The following KLHL4 variants were observed in gnomAD, a reference collection of about 807,000 sequenced individuals.
The protein encoded by KLHL4 is kelch like family member 4, also known as kelch-like protein 4.
KLHL4 carries 17 observed loss-of-function variants against 45.8 expected under a neutral mutation model. The ratio of observed to expected loss-of-function variants is 0.37; its 90% CI spans 0.25 to 0.56. The LOEUF is 0.56. Among genes scored for constraint, KLHL4 ranks in the 20% least tolerant of loss-of-function variants. KLHL4 has a pLI of 0.79. For synonymous variants in KLHL4, 224 were observed against 189.9 expected (o/e 1.18, Z -1.47); for missense variants, 544 against 544.9 (o/e 1.00, Z 0.02).
intron 1 of KLHL4, among the ~76,000 whole-genome samples, chrX:87,568,391 C>CTTTTTTT (rs58586775): frequency 0.011 from 650 of 56,995 alleles, 1 homozygote; most frequent in East Asian, 0.015. Context: ...TTCTTTTTTT[C>CTTTTTTT]TTTTTTTTTT....
At chrX:87,614,758 A>C in intron 3 of KLHL4, among the ~76,000 whole-genome samples, 188 bp downstream of exon 3, 1 of 111,223 alleles carries the variant, frequency 9.0e-6, no homozygotes, top group Middle Eastern at 4.7e-3. Flanking sequence ...TAAAGTAATA[A>C]AAAGGCATAG....
At chrX:87,624,934 T>C (rs756732399) in intron 5 of KLHL4, among the ~76,000 whole-genome samples, 1 of 112,335 alleles carries the variant, frequency 8.9e-6, no homozygotes, top group East Asian at 2.8e-4. Context: ...ACCATGTCTG[T>C]TATTATTTTA....
At chrX:87,604,409 C>T (rs1922123748) in intron 1 of KLHL4, among the ~76,000 whole-genome samples, 1 of 111,388 alleles carries the variant, frequency 9.0e-6, no homozygotes. Context: ...TCTCAACAAA[C>T]TCACCAAGAC....
intron 5 of KLHL4, among the ~76,000 whole-genome samples, chrX:87,622,628 G>A (rs1369294866): frequency 1.8e-5 from 2 of 110,622 alleles, no homozygotes; most frequent in African/African-American, 3.3e-5. Context: ...AAAAGCTACC[G>A]TTAAACCATA....
chrX:87,668,632 T>A lies in KLHL4; in HGVS notation c.*2098T>A, dbSNP rs1217664146. On this transcript the variant is annotated 3_prime_UTR_variant, in exon 11 of 11. Coordinates refer to ENST00000373119, the MANE Select transcript of KLHL4 (RefSeq NM_019117.5). ...TTGGGCCATGAGGTCTGTGCCCTCC[T>A]GAATGGATTAATCCATTCATGGATT... The A allele has an allele frequency of 1.1e-5, 2 of 174,738 alleles. No individual in the cohort carries two copies. The highest frequency in any genetic ancestry group is 1.8e-5 in the Non-Finnish European group (2 of 111,698). 14.4% of individuals were successfully genotyped at this position (174,738 alleles called of 1,213,427 possible).
intron 9 of KLHL4, among the ~76,000 whole-genome samples, chrX:87,655,618 G>T (rs552486471): frequency 1.8e-5 from 2 of 110,394 alleles, no homozygotes; most frequent in African/African-American, 6.6e-5. Flanking sequence ...GTGTATGGTC[G>T]GATCCTTTTT....
In KLHL4 at chrX:87,667,485, A is replaced by C; in HGVS notation, c.*951A>C. 3 of 728,862 alleles carry C rather than the reference A, an allele frequency of 4.1e-6. No individual in the cohort carries two copies. The highest frequency in any genetic ancestry group is 4.9e-6 in the Non-Finnish European group (3 of 616,221). The allele number at this position is 728,862 out of a possible 1,213,427, so 60.1% of individuals were successfully genotyped here. On this transcript the variant is annotated 3_prime_UTR_variant, in exon 11 of 11. Coordinates refer to ENST00000373119, the MANE Select transcript of KLHL4 (RefSeq NM_019117.5). ...TGTTAACACATGGGAACACCAAAAT[A>C]TTCAATAAGCCTGGTCAATTCTATA...
chrX:87,615,612 C>T (rs957586843), intron 3 of KLHL4, among the ~76,000 whole-genome samples: 1 of 110,584 alleles, frequency 9.0e-6, no homozygotes, highest in African/African-American at 3.3e-5. Context: ...AAATCAAATA[C>T]GGTATATGAA....
intron 1 of KLHL4, among the ~76,000 whole-genome samples, chrX:87,584,452 A>C: frequency 8.9e-6 from 1 of 112,179 alleles, no homozygotes; most frequent in Admixed American, 9.5e-5. Flanking sequence ...GGAAACACAA[A>C]GAAATTGAAG....
intron 1 of KLHL4, among the ~76,000 whole-genome samples, chrX:87,609,474 T>G (rs1441296900): frequency 2.7e-5 from 3 of 112,081 alleles, no homozygotes; most frequent in African/African-American, 6.5e-5. Context: ...AGGTGGTATC[T>G]CATTGTGGTT....
chrX:87,605,479 A>G (rs1922162484), intron 1 of KLHL4, among the ~76,000 whole-genome samples: 1 of 109,664 alleles, frequency 9.1e-6, no homozygotes, highest in Admixed American at 9.7e-5. Context: ...ATTTCTAGGT[A>G]TTTTATTTTT....
At position 87,664,941 on chromosome X, in the gene KLHL4, C is replaced by G; in HGVS notation, c.2097+6C>G. The G allele has an allele frequency of 9.3e-7, 1 of 1,073,787 alleles. No homozygotes were observed. Among genetic ancestry groups the G allele is most frequent in the Non-Finnish European group, 1.3e-6 (1 of 788,547 alleles). The allele number at this position is 1,073,787 out of a possible 1,213,427, so 88.5% of individuals were successfully genotyped here. A position where few individuals can be genotyped will look rare whatever the true frequency, so the allele number is the denominator to read the frequency against. On this transcript the variant is annotated splice_donor_region_variant and intron_variant, in intron 10 of 10. Transcript: ENST00000373119. ...AGAGAAATGAATGGAAAGAGGTATT[C>G]GAATTAAAATATTCAAATTACTATA...
intron 1 of KLHL4, among the ~76,000 whole-genome samples, chrX:87,537,497 A>T (rs1422004443): frequency 9.0e-6 from 1 of 110,656 alleles, no homozygotes; most frequent in Non-Finnish European, 1.9e-5. Flanking sequence ...CGTTTATATA[A>T]ATATATATAT....
chrX:87,572,232 A>G (rs1316550223), intron 1 of KLHL4, among the ~76,000 whole-genome samples: 1 of 111,429 alleles, frequency 9.0e-6, no homozygotes, highest in Admixed American at 9.5e-5. Flanking sequence ...TAAATAAAGT[A>G]TAAAATATTA....
chrX:87,562,671 C>A (rs2213678), intron 1 of KLHL4, among the ~76,000 whole-genome samples: 21,130 of 109,711 alleles, frequency 0.19, 1,918 homozygotes, highest in East Asian at 0.51. Flanking sequence ...CTAGACACAC[C>A]CTGGGATAGA....
intron 9 of KLHL4, among the ~76,000 whole-genome samples, chrX:87,647,250 G>A (rs1481390299): frequency 2.7e-5 from 3 of 111,993 alleles, no homozygotes; most frequent in African/African-American, 9.7e-5. Context: ...ATGTTGGCAT[G>A]GATGTGGTAA....
chrX:87,533,841 T>C (rs763412038), intron 1 of KLHL4, among the ~76,000 whole-genome samples: 1 of 111,277 alleles, frequency 9.0e-6, no homozygotes, highest in African/African-American at 3.3e-5. Flanking sequence ...AAACCTTCTA[T>C]GAGGGAAAGG....
At chrX:87,582,410 A>C in intron 1 of KLHL4, among the ~76,000 whole-genome samples, 1 of 111,601 alleles carries the variant, frequency 9.0e-6, no homozygotes, top group Non-Finnish European at 1.9e-5. Flanking sequence ...AATTGTGGGG[A>C]ATAGAACTTG....
intron 4 of KLHL4, among the ~76,000 whole-genome samples, chrX:87,621,901 C>A (rs1286710763): frequency 9.0e-6 from 1 of 111,391 alleles, no homozygotes; most frequent in Non-Finnish European, 1.9e-5. Context: ...CTGCTGTTGT[C>A]ACATACGGCA....
Sources: gnomAD v4.1 joint callset for allele counts (sites outside exome capture counted in the v4.1 genomes callset) on GRCh38, gnomAD v4.1.1 for gene constraint, MANE v1.5 for transcripts, NCBI Gene and HGNC (gene_info 2026-07-23, HGNC 2026-07-21) for gene names.